Variants in SLC35F4 observed in about 807,000 individuals in gnomAD.
The protein encoded by SLC35F4 is solute carrier family 35 member F4, also known as chromosome 14 open reading frame 36.
In SLC35F4, 24 loss-of-function variants were observed where a neutral mutation model predicts 44.2. The observed-to-expected ratio is 0.54, with a 90% CI of 0.39 to 0.76. The LOEUF is 0.76. SLC35F4 is among the 30% of genes least tolerant of loss of function. The probability of loss-of-function intolerance (pLI) is 0.00; values close to 1 mark genes in which losing one functional copy is unlikely to be tolerated. For synonymous variants in SLC35F4, 238 were observed against 223.6 expected, an observed-to-expected ratio of 1.06 and a Z score of -0.57; for missense variants, 562 against 586.1, an observed-to-expected ratio of 0.96 and a Z score of 0.42.
intron 1 of SLC35F4, among the ~76,000 whole-genome samples, chr14:57,728,441 C>CTTTT (rs869064667): frequency 1.8e-3 from 109 of 58,996 alleles, no homozygotes; most frequent in East Asian, 5.4e-3. Flanking sequence ...TTCTTTCTTT[C>CTTTT]TTTTTTTTTT....
At chr14:57,583,299 G>A (rs1281240881) in intron 3 of SLC35F4, among the ~76,000 whole-genome samples, 3 of 152,202 alleles carry the variant, frequency 2.0e-5, no homozygotes, top group African/African-American at 7.2e-5. Context: ...GATCTGCTCC[G>A]TGAGAAAGCT....
chr14:57,910,877 A>G (rs902449448), intron 1 of SLC35F4, among the ~76,000 whole-genome samples: 5 of 152,036 alleles, frequency 3.3e-5, no homozygotes, highest in Non-Finnish European at 7.4e-5. Flanking sequence ...GTGACATTAT[A>G]ACAATACTGA....
downstream of SLC35F4, chr14:57,976,700 C>T (rs1339832799): frequency 1.3e-5 from 2 of 152,204 alleles, no homozygotes; most frequent in African/African-American, 4.8e-5. Context: ...GACATAGTGC[C>T]TTCACTAGAA....
chr14:57,729,436 C>T (rs2076292665), intron 1 of SLC35F4, among the ~76,000 whole-genome samples: 1 of 152,188 alleles, frequency 6.6e-6, no homozygotes, highest in Admixed American at 6.5e-5. Flanking sequence ...GAACCAAGGG[C>T]TCTTTAGTCA....
intron 1 of SLC35F4, among the ~76,000 whole-genome samples, chr14:57,598,891 A>G (rs897976649): frequency 2.0e-5 from 3 of 150,710 alleles, no homozygotes; most frequent in South Asian, 2.1e-4. Context: ...GTGTGTGTGT[A>G]TGTGTGTGTG....
At chr14:57,801,227 A>G (rs1847479889) in intron 1 of SLC35F4, among the ~76,000 whole-genome samples, 1 of 152,352 alleles carries the variant, frequency 6.6e-6, no homozygotes, top group Non-Finnish European at 1.5e-5. Context: ...ATTCTGAAAG[A>G]AAAGAATTTC....
chr14:57,965,791 T>C (rs17094022), intron 1 of SLC35F4, among the ~76,000 whole-genome samples: 6,322 of 152,220 alleles, frequency 0.042, 351 homozygotes, highest in East Asian at 0.25. Flanking sequence ...CATAAACCTA[T>C]TTGCCCTGCT....
At chr14:57,629,496 T>C (rs1326566092) in intron 1 of SLC35F4, among the ~76,000 whole-genome samples, 4 of 152,094 alleles carry the variant, frequency 2.6e-5, no homozygotes, top group African/African-American at 9.7e-5. Flanking sequence ...ATACAATATC[T>C]TCCAGAAAAA....
chr14:57,977,620 G>A (rs1267337555), intron 1 of SLC35F4, among the ~76,000 whole-genome samples: 2 of 152,174 alleles, frequency 1.3e-5, no homozygotes, highest in East Asian at 1.9e-4. Flanking sequence ...ACTCAAGCAC[G>A]TTCCAAAGGC....
intron 1 of SLC35F4, among the ~76,000 whole-genome samples, chr14:57,749,681 G>A (rs115972946): frequency 2.6e-5 from 4 of 152,268 alleles, no homozygotes; most frequent in African/African-American, 9.6e-5. Context: ...AAGCCCTATA[G>A]AGCCTCCTTT....
intron 4 of SLC35F4, among the ~76,000 whole-genome samples, chr14:57,576,817 A>ATT (rs1299362095): frequency 6.6e-6 from 1 of 152,180 alleles, no homozygotes; most frequent in Admixed American, 6.5e-5. Flanking sequence ...GGAGACCTGG[A>ATT]TGTCAAAGTT....
At chr14:57,822,893 C>T (rs1364335228) in intron 1 of SLC35F4, among the ~76,000 whole-genome samples, 2 of 152,098 alleles carry the variant, frequency 1.3e-5, no homozygotes, top group Non-Finnish European at 2.9e-5. Flanking sequence ...GTGTCCAGGG[C>T]CTGATCTCTT....
At chr14:57,583,282 A>G (rs2069430372) in intron 3 of SLC35F4, among the ~76,000 whole-genome samples, 1 of 152,212 alleles carries the variant, frequency 6.6e-6, no homozygotes, top group Admixed American at 6.5e-5. Flanking sequence ...TTCTGTACTT[A>G]TAAGGCGATC....
chr14:57,678,853 C>T (rs1365715285), intron 1 of SLC35F4, among the ~76,000 whole-genome samples: 1 of 152,004 alleles, frequency 6.6e-6, no homozygotes, highest in South Asian at 2.1e-4. Flanking sequence ...GCACCCAATA[C>T]AGGAGCACCC....
rs150610386 is a variant in SLC35F4 at position 57,818,461 on chromosome 14, C to T, written c.103+47262G>A. Among the ~76,000 whole-genome samples, 230 of 152,184 alleles carry T rather than the reference C, an allele frequency of 1.5e-3. 3 individuals carry two copies. The highest frequency in any genetic ancestry group is 2.1e-4 in the Non-Finnish European group (14 of 67,994). On this transcript the variant is annotated intron_variant, in intron 1 of 7. Transcript: ENST00000556826. ...GTAGACTACTGGGCAAAGAAAGGAT[C>T]ACTGTAAAGATGGGAGCTATTGACC...
intron 1 of SLC35F4, among the ~76,000 whole-genome samples, chr14:57,626,358 A>C (rs1376657445): frequency 1.1e-5 from 1 of 92,218 alleles, no homozygotes; most frequent in African/African-American, 2.9e-5. Flanking sequence ...CTTGAGAAAT[A>C]AATCTGTAAA....
intron 1 of SLC35F4, among the ~76,000 whole-genome samples, chr14:57,898,169 G>T (rs1200501726): frequency 6.6e-6 from 1 of 152,102 alleles, no homozygotes; most frequent in African/African-American, 2.4e-5. Flanking sequence ...CTTCAACCAA[G>T]ACTAGCAAAA....
chr14:57,957,975 A>G (rs1361451999), intron 1 of SLC35F4, among the ~76,000 whole-genome samples: 3 of 152,224 alleles, frequency 2.0e-5, no homozygotes, highest in African/African-American at 7.2e-5. Context: ...ATAGAAAATA[A>G]CTGCTGCAAG....
intron 1 of SLC35F4, among the ~76,000 whole-genome samples, chr14:57,754,133 C>A: frequency 7.7e-6 from 1 of 129,154 alleles, no homozygotes; most frequent in African/African-American, 2.9e-5. Flanking sequence ...AGATGAGTCT[C>A]AGTCTGTCAC....
Sources: allele counts gnomAD v4.1 joint callset (sites outside exome capture counted in the v4.1 genomes callset), GRCh38; gene constraint gnomAD v4.1.1; transcripts MANE v1.5; gene names NCBI Gene and HGNC (gene_info 2026-07-23, HGNC 2026-07-21).